Variants in ARL3 observed in about 807,000 individuals in gnomAD.
The protein encoded by ARL3 is ARF like GTPase 3, also known as ADP-ribosylation factor-like protein 3.
ARL3 carries 9 observed loss-of-function variants against 26.0 expected under a neutral mutation model. The observed-to-expected ratio is 0.35, with a 90% confidence interval of 0.21 to 0.60. The LOEUF (loss-of-function observed/expected upper bound fraction) is 0.60. Ranked by LOEUF, ARL3 falls within the 20% of genes least tolerant of loss-of-function variation. ARL3 has a pLI of 0.78. For missense variants in ARL3, 158 were observed against 215.7 expected, an observed-to-expected ratio of 0.73 and a Z score of 1.67; for synonymous variants, 71 against 78.4, an observed-to-expected ratio of 0.91 and a Z score of 0.50.
intron 3 of ARL3, 91 bp downstream of exon 3, chr10:102,699,282 G>T: frequency 1.2e-6 from 1 of 831,876 alleles, no homozygotes; most frequent in Non-Finnish European, 2.1e-6. Flanking sequence ...TATGGTGGTG[G>T]AATTACTGAC....
chr10:102,676,907 G>C lies in ARL3; in HGVS notation c.536C>G (p.Ala179Gly). The change falls in exon 6 of 6, where the codon GCA becomes GGA. Residue 179 changes from alanine (A) to glycine (G), a missense_variant. Physicochemically the swap from Ala to Gly is moderately conservative, Grantham distance 60. Transcript: ENST00000260746. ...GMNWVCKNVNAKKK is the reference protein window; with the variant it reads ...GMNWVCKNVNGKKK ...TTCGTCTAGATTTTATTTCTTCTTT[G>C]CATTGACATTTTTGCAGACCCAGTT... 6.8e-6 allele frequency: 11 copies of C among 1,614,128 alleles called. No individual in the cohort carries two copies. The highest frequency in any genetic ancestry group is 9.3e-6 in the Non-Finnish European group (11 of 1,179,974).
intron 1 of ARL3, among the ~76,000 whole-genome samples, chr10:102,711,715 C>G (rs981259512): frequency 2.6e-5 from 4 of 151,916 alleles, no homozygotes; most frequent in Middle Eastern, 6.8e-3. Context: ...GGAGATCGCG[C>G]CACTGCACTC....
At chr10:102,683,973 C>G (rs977177056) in intron 5 of ARL3, among the ~76,000 whole-genome samples, 3 of 152,170 alleles carry the variant, frequency 2.0e-5, no homozygotes, top group Non-Finnish European at 4.4e-5. Context: ...GTGGAAGATA[C>G]AAGAGGCTTA....
At position 102,689,885 on chromosome 10, in the gene ARL3, T is replaced by C; in HGVS notation, c.315+8A>G. ...ATAAGAACTTTGATATAAAAAAGAA[T>C]TATTTACCTGACCCGTCTCTTCAAA... On this transcript the variant is annotated splice_region_variant and intron_variant, in intron 4 of 5. Transcript: ENST00000260746. 1 of 1,568,200 alleles carries C rather than the reference T, an allele frequency of 6.4e-7. No homozygotes were observed. Among genetic ancestry groups the C allele is most frequent in the South Asian group, 1.1e-5 (1 of 87,664 alleles).
chr10:102,676,272 T>C lies in ARL3; in HGVS notation c.*622A>G, dbSNP rs2064130383. On this transcript the variant is annotated 3_prime_UTR_variant, in exon 6 of 6. Coordinates refer to ENST00000260746, the MANE Select transcript of ARL3 (RefSeq NM_004311.4). Reference sequence around the variant, plus strand: ...TGTCTGCAAGAAAGACTTTTTTTTTTTTTTCTGTCCAAAGAGTGAGGATTA... The same window carrying C: ...TGTCTGCAAGAAAGACTTTTTTTTTCTTTTCTGTCCAAAGAGTGAGGATTA... 6.6e-6 allele frequency: 1 copy of C among 152,466 alleles called. No homozygotes were observed. The highest frequency in any genetic ancestry group is 1.5e-5 in the Non-Finnish European group (1 of 67,978). 9.4% of individuals were successfully genotyped at this position (152,466 alleles called of 1,614,324 possible).
intron 5 of ARL3, among the ~76,000 whole-genome samples, chr10:102,685,453 G>A (rs1003312006): frequency 6.6e-6 from 1 of 152,066 alleles, no homozygotes; most frequent in Non-Finnish European, 1.5e-5. Flanking sequence ...TACGTGTATG[G>A]TTATTGGTGG....
At position 102,714,224 on chromosome 10, in the gene ARL3, G is replaced by A. The variant is rs201608284; in HGVS notation, c.3+49C>T. The A allele has an allele frequency of 1.7e-4, 227 of 1,313,416 alleles. 3 individuals are homozygous for A. In the East Asian group the frequency reaches 6.4e-3, roughly 37 times the overall value. 81.4% of individuals were successfully genotyped at this position (1,313,416 alleles called of 1,614,324 possible). A position where few individuals can be genotyped will look rare whatever the true frequency, so the allele number is the denominator to read the frequency against. On this transcript the variant is annotated intron_variant, in intron 1 of 5. Transcript: ENST00000260746. ...TGCTCCGCCCTGGGCCTGGGGACGG[G>A]AGGGGGATAACCGGCCGGCTCCAAG...
chr10:102,690,401 A>G (rs1216551875), intron 3 of ARL3, among the ~76,000 whole-genome samples: 4 of 147,436 alleles, frequency 2.7e-5, no homozygotes, highest in African/African-American at 1.0e-4. Context: ...CTCCTGCCTC[A>G]GCCTCCCCAG....
At chr10:102,690,020 T>A in intron 3 of ARL3, 77 bp from the exon 4 acceptor site, 1 of 895,486 alleles carries the variant, frequency 1.1e-6, no homozygotes, top group South Asian at 1.6e-5. Flanking sequence ...AAGGAGCAGG[T>A]GATCCCCAAT....
chr10:102,700,569 A>G (rs546490775), intron 2 of ARL3, among the ~76,000 whole-genome samples: 3 of 151,446 alleles, frequency 2.0e-5, no homozygotes, highest in South Asian at 4.2e-4. Context: ...AGTTCGAGTG[A>G]TTCTCCTGCC....
intron 3 of ARL3, among the ~76,000 whole-genome samples, chr10:102,696,857 A>C (rs1343629801): frequency 6.6e-6 from 1 of 152,190 alleles, no homozygotes; most frequent in African/African-American, 2.4e-5. Flanking sequence ...GCTGAAGTGG[A>C]GATGTCAAAT....
intron 3 of ARL3, among the ~76,000 whole-genome samples, chr10:102,698,314 C>T (rs371766936): frequency 6.6e-6 from 1 of 151,882 alleles, no homozygotes; most frequent in Non-Finnish European, 1.5e-5. Context: ...CTCAAGCGAT[C>T]CTCCCACCTC....
At chr10:102,702,474 A>G (rs1355708711) in intron 2 of ARL3, among the ~76,000 whole-genome samples, 2 of 152,142 alleles carry the variant, frequency 1.3e-5, no homozygotes, top group African/African-American at 4.8e-5. Flanking sequence ...AGAATATGAA[A>G]CCTTGACACA....
chr10:102,713,171 G>C (rs746748392), intron 1 of ARL3, among the ~76,000 whole-genome samples: 1 of 150,944 alleles, frequency 6.6e-6, no homozygotes, highest in East Asian at 1.9e-4. Flanking sequence ...TTGGAGCAGT[G>C]ACTATAAGTT....
chr10:102,713,797 T>C (rs918455663), intron 1 of ARL3, among the ~76,000 whole-genome samples: 3 of 152,122 alleles, frequency 2.0e-5, no homozygotes. Flanking sequence ...TAGGCTACCA[T>C]CTCCCCTGCT....
chr10:102,712,801 C>A lies in ARL3; in HGVS notation c.3+1472G>T, dbSNP rs149809443. 2.0e-5 allele frequency among the ~76,000 whole-genome samples: 3 copies of A among 150,332 alleles called. No homozygotes were observed. In the East Asian group the frequency reaches 6.2e-4, roughly 31 times the overall value. Reference sequence around the variant, plus strand: ...TTCTGGGTAAATATTTATGTTTGTACTCATTTGTTGAGAAAAACTTTAACT... The same window carrying A: ...TTCTGGGTAAATATTTATGTTTGTAATCATTTGTTGAGAAAAACTTTAACT... On this transcript the variant is annotated intron_variant, in intron 1 of 5. Coordinates refer to ENST00000260746, the MANE Select transcript of ARL3 (RefSeq NM_004311.4).
intron 3 of ARL3, among the ~76,000 whole-genome samples, chr10:102,690,432 C>A (rs1025634078): frequency 6.6e-6 from 1 of 151,684 alleles, no homozygotes; most frequent in Non-Finnish European, 1.5e-5. Context: ...TACAGGCACA[C>A]GCCACCATGC....
At chr10:102,696,510 C>A (rs184362081) in intron 3 of ARL3, among the ~76,000 whole-genome samples, 1 of 151,808 alleles carries the variant, frequency 6.6e-6, no homozygotes, top group African/African-American at 2.4e-5. Context: ...GTGATCCACC[C>A]GCCTCAGCCT....
At chr10:102,692,169 C>T (rs2064221651) in intron 3 of ARL3, among the ~76,000 whole-genome samples, 1 of 152,154 alleles carries the variant, frequency 6.6e-6, no homozygotes, top group Non-Finnish European at 1.5e-5. Flanking sequence ...TGCAGTCTGC[C>T]CTCAAGCTGT....
Sources: allele counts gnomAD v4.1 joint callset (sites outside exome capture counted in the v4.1 genomes callset), GRCh38; gene constraint gnomAD v4.1.1; transcripts MANE v1.5; gene names NCBI Gene and HGNC (gene_info 2026-07-23, HGNC 2026-07-21).